CNTN4: variants seen among roughly 807,000 people sequenced by gnomAD.
CNTN4 encodes contactin 4, also known as contactin-4.
A neutral mutation model predicts 122.5 loss-of-function variants in CNTN4; 77 were observed. That is an observed-to-expected ratio of 0.63 (90% confidence interval 0.52 to 0.76). CNTN4 has a LOEUF of 0.76. Ranked by LOEUF, CNTN4 falls within the 30% of genes least tolerant of loss-of-function variation. The probability of loss-of-function intolerance (pLI) is 0.00; values close to 1 mark genes in which losing one functional copy is unlikely to be tolerated. For missense variants in CNTN4, 1,256 were observed against 1,259.1 expected, an observed-to-expected ratio of 1.00 and a Z score of 0.04; for synonymous variants, 512 against 447.0, an observed-to-expected ratio of 1.15 and a Z score of -1.83.
chr3:2,816,069 A>G (rs1389887240), intron 6 of CNTN4, among the ~76,000 whole-genome samples: 3 of 151,716 alleles, frequency 2.0e-5, no homozygotes, highest in African/African-American at 7.3e-5. Context: ...AAATGATACA[A>G]TGAGGCCGGA....
At chr3:3,025,818 C>T (rs1012179225) in intron 14 of CNTN4, among the ~76,000 whole-genome samples, 4 of 152,104 alleles carry the variant, frequency 2.6e-5, no homozygotes, top group South Asian at 4.1e-4. Flanking sequence ...AGAAAGTAAG[C>T]CCTTCCACGA....
At chr3:2,678,523 T>C (rs1291101347) in intron 4 of CNTN4, among the ~76,000 whole-genome samples, 3 of 152,154 alleles carry the variant, frequency 2.0e-5, no homozygotes, top group Non-Finnish European at 2.9e-5. Context: ...AAGCAATGGT[T>C]GTGGGAGGGA....
At chr3:2,447,352 T>G (rs1393968101) in intron 3 of CNTN4, among the ~76,000 whole-genome samples, 1 of 152,108 alleles carries the variant, frequency 6.6e-6, no homozygotes, top group Non-Finnish European at 1.5e-5. Context: ...TAAGAGTTAG[T>G]GTTGTAATAA....
rs1360106495 is a variant in CNTN4, at chr3:2,450,926, T to C, written c.-89+111693T>C. ...CAAGCTGAGCTCACCACTCACATTG[T>C]TAAAGGAAAAGATCACAGCAGATAT... On this transcript the variant is annotated intron_variant, in intron 3 of 24. Transcript: ENST00000418658. 2.6e-5 allele frequency among the ~76,000 whole-genome samples: 4 copies of C among 152,240 alleles called. No individual in the cohort carries two copies. The South Asian group carries it at 6.2e-4, about 24-fold the overall frequency.
intron 4 of CNTN4, among the ~76,000 whole-genome samples, chr3:2,615,303 A>C (rs1304735483): frequency 6.6e-6 from 1 of 152,224 alleles, no homozygotes; most frequent in Non-Finnish European, 1.5e-5. Flanking sequence ...ACAAGCAACC[A>C]GTCAGCATTT....
At chr3:2,211,511 A>ATG (rs2038614500) in intron 2 of CNTN4, among the ~76,000 whole-genome samples, 2 of 152,188 alleles carry the variant, frequency 1.3e-5, no homozygotes, top group South Asian at 4.1e-4. Context: ...ATAGAAAACT[A>ATG]TGTGTACGTT....
chr3:2,951,623 G>A (rs772630690), intron 13 of CNTN4, among the ~76,000 whole-genome samples: 104 of 152,184 alleles, frequency 6.8e-4, no homozygotes, highest in Non-Finnish European at 1.3e-3. Flanking sequence ...TCTTCTCCAT[G>A]ACTCCAAGAA....
At chr3:2,895,885 T>G (rs1052496323) in intron 10 of CNTN4, among the ~76,000 whole-genome samples, 3 of 151,846 alleles carry the variant, frequency 2.0e-5, no homozygotes, top group Non-Finnish European at 4.4e-5. Context: ...ATACAAAAAT[T>G]AGCCGAGCGT....
chr3:2,443,997 A>T, intron 3 of CNTN4, among the ~76,000 whole-genome samples: 1 of 151,904 alleles, frequency 6.6e-6, no homozygotes, highest in Non-Finnish European at 1.5e-5. Context: ...ACCCTTTTTA[A>T]CCTCTTCCTG....
intron 2 of CNTN4, among the ~76,000 whole-genome samples, chr3:2,280,370 G>A (rs543111546): frequency 1.3e-5 from 2 of 152,308 alleles, no homozygotes; most frequent in East Asian, 1.9e-4. Context: ...ATAAAAATGA[G>A]TAAAATAATG....
intron 2 of CNTN4, among the ~76,000 whole-genome samples, chr3:2,298,640 G>A (rs2042396462): frequency 6.6e-6 from 1 of 152,104 alleles, no homozygotes; most frequent in Non-Finnish European, 1.5e-5. Flanking sequence ...TGCCACATAT[G>A]TGGAGGAAAA....
intron 4 of CNTN4, among the ~76,000 whole-genome samples, chr3:2,698,458 G>A (rs1284141449): frequency 6.6e-6 from 1 of 152,104 alleles, no homozygotes; most frequent in African/African-American, 2.4e-5. Context: ...AGGGTCTAGA[G>A]CTCAGAGTGA....
chr3:2,802,430 C>T (rs1266466395), intron 6 of CNTN4, among the ~76,000 whole-genome samples: 3 of 152,158 alleles, frequency 2.0e-5, no homozygotes, highest in Non-Finnish European at 4.4e-5. Context: ...TTGGTGATTT[C>T]ACTGTTTAAA....
intron 2 of CNTN4, among the ~76,000 whole-genome samples, chr3:2,151,417 C>T (rs997971772): frequency 6.6e-6 from 1 of 152,136 alleles, no homozygotes; most frequent in South Asian, 2.1e-4. Flanking sequence ...CAGCATGGGC[C>T]AGGGCTCTGG....
At chr3:2,591,840 G>A (rs190688737) in intron 4 of CNTN4, among the ~76,000 whole-genome samples, 1 of 152,212 alleles carries the variant, frequency 6.6e-6, no homozygotes, top group Non-Finnish European at 1.5e-5. Flanking sequence ...TATTTGAGTC[G>A]AGACTAAGAA....
At chr3:2,871,715 C>T (rs898808681) in intron 8 of CNTN4, among the ~76,000 whole-genome samples, 5 of 152,110 alleles carry the variant, frequency 3.3e-5, no homozygotes, top group African/African-American at 7.2e-5. Context: ...CATATTATTT[C>T]ACTGAGGTTC....
At chr3:2,517,750 G>A (rs1034522306) in intron 3 of CNTN4, among the ~76,000 whole-genome samples, 3 of 152,164 alleles carry the variant, frequency 2.0e-5, no homozygotes, top group African/African-American at 7.2e-5. Context: ...CATTGTATAT[G>A]TGTGTGCCTT....
chr3:2,861,567 G>T (rs1026779461), intron 7 of CNTN4, among the ~76,000 whole-genome samples: 1 of 152,240 alleles, frequency 6.6e-6, no homozygotes, highest in South Asian at 2.1e-4. Flanking sequence ...TAAAGGTAAG[G>T]GGACTCTATC....
chr3:2,149,675 G>C (rs1397106070), intron 2 of CNTN4, among the ~76,000 whole-genome samples: 1 of 152,132 alleles, frequency 6.6e-6, no homozygotes, highest in Non-Finnish European at 1.5e-5. Flanking sequence ...GAAGCTTGTG[G>C]TTTTTAAGAA....
Sources: allele counts gnomAD v4.1 joint callset (sites outside exome capture counted in the v4.1 genomes callset), GRCh38; gene constraint gnomAD v4.1.1; transcripts MANE v1.5; gene names NCBI Gene and HGNC (gene_info 2026-07-23, HGNC 2026-07-21).